The following SSPN variants were observed in gnomAD, a reference collection of about 807,000 sequenced individuals.
SSPN encodes the protein K-ras oncogene-associated protein.
A neutral mutation model predicts 19.1 loss-of-function variants in SSPN; 15 were observed. That is an observed-to-expected ratio of 0.78 (90% CI 0.52 to 1.21). The LOEUF (loss-of-function observed/expected upper bound fraction) is 1.21. SSPN is among the 50% of genes most tolerant of loss of function. The probability of loss-of-function intolerance (pLI) is 0.00; values close to 1 mark genes in which losing one functional copy is unlikely to be tolerated. For synonymous variants in SSPN, 147 were observed against 140.3 expected, an observed-to-expected ratio of 1.05 and a Z score of -0.34; for missense variants, 291 against 314.0, an observed-to-expected ratio of 0.93 and a Z score of 0.55.
At chr12:26,124,943 C>T in intron 1 of SSPN, 1 of 733,576 alleles carries the variant, frequency 1.4e-6, no homozygotes, top group Non-Finnish European at 2.4e-6. Flanking sequence ...TTGGTCCCCC[C>T]CCTCCACCGC....
At chr12:26,158,115 G>A (rs1944566491) in intron 1 of SSPN, among the ~76,000 whole-genome samples, 1 of 152,112 alleles carries the variant, frequency 6.6e-6, no homozygotes. Flanking sequence ...ACACAAGTAG[G>A]ATATTAATTC....
At chr12:26,155,314 G>T (rs1944549539) in intron 1 of SSPN, among the ~76,000 whole-genome samples, 1 of 152,142 alleles carries the variant, frequency 6.6e-6, no homozygotes, top group Non-Finnish European at 1.5e-5. Flanking sequence ...AATTAAAGAA[G>T]AAACAATTAC....
In SSPN at chr12:26,185,748, C is replaced by T. The variant is rs936634174; in HGVS notation, c.-30-38545C>T. Among the ~76,000 whole-genome samples the T allele has an allele frequency of 2.6e-5, 4 of 152,172 alleles. No homozygotes were observed. In the South Asian group the frequency reaches 8.3e-4, roughly 32 times the overall value. On this transcript the variant is annotated intron_variant, in intron 1 of 2. Coordinates refer to the SSPN transcript ENST00000538142. ...GCCAAGTCTGTGAGTGATCAGTTCC[C>T]GGCACATTTCCTAACACAGACTGTG...
intron 1 of SSPN, among the ~76,000 whole-genome samples, chr12:26,197,095 C>T (rs1392244846): frequency 6.6e-6 from 1 of 152,046 alleles, no homozygotes; most frequent in African/African-American, 2.4e-5. Context: ...TGAATGTGGT[C>T]GAATCAAGAG....
chr12:26,157,970 G>A (rs939624531), intron 1 of SSPN, among the ~76,000 whole-genome samples: 1 of 151,858 alleles, frequency 6.6e-6, no homozygotes, highest in Non-Finnish European at 1.5e-5. Flanking sequence ...ATGACCTGTG[G>A]TAAAGTAATC....
chr12:26,194,768 C>T (rs555857583), upstream of SSPN, among the ~76,000 whole-genome samples: 34 of 152,184 alleles, frequency 2.2e-4, no homozygotes, highest in Non-Finnish European at 4.9e-4. Flanking sequence ...AGCAGGATCC[C>T]TTGAAGCCAG....
intron 1 of SSPN, among the ~76,000 whole-genome samples, chr12:26,148,958 A>G (rs976236338): frequency 6.6e-6 from 1 of 152,224 alleles, no homozygotes; most frequent in African/African-American, 2.4e-5. Flanking sequence ...TTTTAAAATC[A>G]GAAATTCTCT....
intron 1 of SSPN, among the ~76,000 whole-genome samples, chr12:26,129,495 C>A (rs1456250861): frequency 2.0e-5 from 3 of 152,128 alleles, no homozygotes; most frequent in Admixed American, 2.0e-4. Flanking sequence ...TAAGGAGGGA[C>A]GGCAATTCCA....
chr12:26,154,511 C>A (rs937461137), intron 1 of SSPN, among the ~76,000 whole-genome samples: 4 of 152,108 alleles, frequency 2.6e-5, no homozygotes, highest in Admixed American at 2.6e-4. Flanking sequence ...TCTTAAGGGG[C>A]ACTAAGCAGA....
At chr12:26,182,141 T>A (rs542909577) in intron 1 of SSPN, among the ~76,000 whole-genome samples, 1 of 152,334 alleles carries the variant, frequency 6.6e-6, no homozygotes, top group Non-Finnish European at 1.5e-5. Flanking sequence ...AGTCCAGCAC[T>A]GTCCTCTACT....
intron 1 of SSPN, among the ~76,000 whole-genome samples, chr12:26,171,962 T>C (rs1944656062): frequency 6.6e-6 from 1 of 152,228 alleles, no homozygotes; most frequent in Admixed American, 6.5e-5. Flanking sequence ...CTTAATTTTC[T>C]CACTGATAGC....
chr12:26,161,683 T>G (rs1944590032), intron 1 of SSPN, among the ~76,000 whole-genome samples: 1 of 152,230 alleles, frequency 6.6e-6, no homozygotes, highest in African/African-American at 2.4e-5. Context: ...CCAATCTTTT[T>G]GGTACCAGGG....
intron 1 of SSPN, among the ~76,000 whole-genome samples, chr12:26,133,105 A>G (rs913104755): frequency 1.3e-5 from 2 of 152,190 alleles, no homozygotes; most frequent in Admixed American, 6.5e-5. Flanking sequence ...GAAAAGGACA[A>G]CTTCCTCATC....
chr12:26,124,628 C>G, intron 1 of SSPN: 1 of 1,611,774 alleles, frequency 6.2e-7, no homozygotes, highest in Non-Finnish European at 8.5e-7. Context: ...GGGAGGGGCT[C>G]TGCCCTCGCC....
intron 1 of SSPN, chr12:26,214,797 GAATT>G (rs969225321): frequency 8.5e-5 from 13 of 152,080 alleles, no homozygotes; most frequent in African/African-American, 3.1e-4. Context: ...TAATGAAAAA[GAATT>G]AATAATAATA....
chr12:26,124,252 T>TGGGGGGGGGGGGGGGGGGGGG, intron 1 of SSPN: 6 of 879,386 alleles, frequency 6.8e-6, no homozygotes, highest in Middle Eastern at 2.1e-4. Context: ...TACCCTCGTC[T>TGGGGGGGGGGGGGGGGGGGGG]GCCCCCCCCG....
intron 1 of SSPN, among the ~76,000 whole-genome samples, chr12:26,174,851 T>C (rs1944675043): frequency 6.6e-6 from 1 of 152,198 alleles, no homozygotes; most frequent in African/African-American, 2.4e-5. Context: ...ACCATTGATC[T>C]ACTTTCTGCC....
chr12:26,124,309 C>T lies in SSPN; in HGVS notation c.-31+2157C>T, dbSNP rs370653717. 1,373 of 640,594 alleles carry T rather than the reference C, an allele frequency of 2.1e-3. 22 individuals carry two copies. The highest frequency in any genetic ancestry group is 0.017 in the South Asian group (1,107 of 63,512). 39.7% of individuals were successfully genotyped at this position (640,594 alleles called of 1,614,324 possible). A position where few individuals can be genotyped will look rare whatever the true frequency, so the allele number is the denominator to read the frequency against. On this transcript the variant is annotated intron_variant, in intron 1 of 2. Transcript: ENST00000538142. ...TATGTGATAAACTACACCCAAGAAACCTCTTTCCTCTGGACTGTTCTGCAA... is the reference window on the plus strand; with the variant it reads ...TATGTGATAAACTACACCCAAGAAATCTCTTTCCTCTGGACTGTTCTGCAA...
chr12:26,195,641 G>GCGGGGGGGCCCCCCCCCC lies in SSPN; in HGVS notation c.-31_-30insGGGGGGGCCCCCCCCCCC. 11 of 1,105,382 alleles carry GCGGGGGGGCCCCCCCCCC rather than the reference G, an allele frequency of 1.0e-5. No individual in the cohort carries two copies. Among genetic ancestry groups the GCGGGGGGGCCCCCCCCCC allele is most frequent in the South Asian group, 3.7e-5 (1 of 27,366 alleles). 68.5% of individuals were successfully genotyped at this position (1,105,382 alleles called of 1,614,324 possible). A position where few individuals can be genotyped will look rare whatever the true frequency, so the allele number is the denominator to read the frequency against. ...CTCCAGGGCCCAGGGCGCCGCACAC[G>GCGGGGGGGCCCCCCCCCC]CACCCACCCACCCACCCAGCCTCGC... On this transcript the variant is annotated 5_prime_UTR_variant, in exon 1 of 3. Transcript: ENST00000242729.
Sources: gnomAD v4.1 joint callset for allele counts (sites outside exome capture counted in the v4.1 genomes callset) on GRCh38, gnomAD v4.1.1 for gene constraint, MANE v1.5 for transcripts, NCBI Gene and HGNC (gene_info 2026-07-23, HGNC 2026-07-21) for gene names.